NLRP13: variants seen among roughly 807,000 people sequenced by gnomAD.
The protein encoded by NLRP13 is NLR family pyrin domain containing 13, also known as NACHT, LRR and PYD domains-containing protein 13.
Under a neutral mutation model 94.4 loss-of-function variants are expected in NLRP13, and 82 were observed. The ratio of observed to expected loss-of-function variants is 0.87; its 90% CI spans 0.73 to 1.04. The LOEUF is 1.04. Among genes scored for constraint, NLRP13 ranks in the 50% least tolerant of loss-of-function variants. NLRP13 has a pLI of 0.00. For synonymous variants in NLRP13, 553 were observed against 464.7 expected, an observed-to-expected ratio of 1.19 and a Z score of -2.45; for missense variants, 1,426 against 1,230.8, an observed-to-expected ratio of 1.16 and a Z score of -2.37.
chr19:55,924,681 GAT>G (rs1290895790), intron 2 of NLRP13, 23 bp from the exon 3 acceptor site: 1 of 1,602,526 alleles, frequency 6.2e-7, no homozygotes, highest in Non-Finnish European at 8.5e-7. Flanking sequence ...TTGACGATGA[GAT>G]ATGAAAATAC....
intron 4 of NLRP13, among the ~76,000 whole-genome samples, chr19:55,920,069 C>T (rs1050769496): frequency 2.6e-5 from 4 of 152,024 alleles, no homozygotes; most frequent in African/African-American, 4.8e-5. Context: ...AATAAAAACA[C>T]GCACTAGGGA....
Position 55,910,644 on chromosome 19 carries a change from C to G in NLRP13, c.2201G>C (p.Ser734Thr), listed in dbSNP as rs1986482104. 6.2e-7 allele frequency: 1 copy of G among 1,613,748 alleles called. No homozygotes were observed. The highest frequency in any genetic ancestry group is 1.7e-5 in the Admixed American group (1 of 60,008). Residue 734 changes from serine to threonine, a missense_variant, in exon 6 of 11, where the codon AGT (serine) becomes ACT (threonine). Coordinates refer to ENST00000342929, the MANE Select transcript of NLRP13 (RefSeq NM_176810.2). ...TNENLHELDL[S>T]NSKLHASSVK... ...AGAGGAAGCATGAAGTTTGCTGTTA[C>G]TCAGGTCTAGCTCATGCAGATTCTC...
chr19:55,902,882 T>C (rs1459842067), intron 8 of NLRP13, among the ~76,000 whole-genome samples: 2 of 144,066 alleles, frequency 1.4e-5, no homozygotes, highest in Admixed American at 6.9e-5. Flanking sequence ...AAATATATAA[T>C]GAAATATATG....
chr19:55,928,695 T>C (rs1481539200), intron 1 of NLRP13, among the ~76,000 whole-genome samples: 1 of 152,224 alleles, frequency 6.6e-6, no homozygotes, highest in Non-Finnish European at 1.5e-5. Flanking sequence ...AAACAGAATT[T>C]AAGAGTTCTA....
intron 1 of NLRP13, among the ~76,000 whole-genome samples, chr19:55,925,336 A>G (rs1986942274): frequency 6.6e-6 from 1 of 152,150 alleles, no homozygotes. Flanking sequence ...TTACCTCCAC[A>G]ATGGTGCCTG....
At chr19:55,893,694 CTG>C (rs1221435180), downstream of NLRP13, among the ~76,000 whole-genome samples, 2 of 152,166 alleles carry the variant, frequency 1.3e-5, no homozygotes, top group African/African-American at 2.4e-5. Flanking sequence ...GCCATTTTCA[CTG>C]TGTATGAATA....
intron 9 of NLRP13, among the ~76,000 whole-genome samples, chr19:55,899,953 G>T (rs897757229): frequency 3.5e-5 from 5 of 141,068 alleles, no homozygotes; most frequent in East Asian, 2.0e-4. Context: ...TATAATTGTT[G>T]TTTTTTTTTT....
intron 4 of NLRP13, among the ~76,000 whole-genome samples, chr19:55,915,226 G>A (rs1265531631): frequency 6.6e-6 from 1 of 152,166 alleles, no homozygotes; most frequent in African/African-American, 2.4e-5. Flanking sequence ...CAAAGAAAAA[G>A]TAAGTGTTGT....
intron 7 of NLRP13, among the ~76,000 whole-genome samples, chr19:55,905,443 G>A (rs1248427705): frequency 1.3e-5 from 2 of 148,806 alleles, no homozygotes; most frequent in African/African-American, 2.5e-5. Flanking sequence ...ACATATATAT[G>A]TATATATATA....
chr19:55,898,194 G>GTTTTTTTTT (rs1209396021), intron 10 of NLRP13, among the ~76,000 whole-genome samples: 1 of 59,276 alleles, frequency 1.7e-5, no homozygotes, highest in African/African-American at 8.0e-5. Flanking sequence ...TAGCAGGAGA[G>GTTTTTTTTT]TTTTTGTTTT....
chr19:55,909,611 C>T (rs1600266549), intron 6 of NLRP13, among the ~76,000 whole-genome samples: 1 of 151,964 alleles, frequency 6.6e-6, no homozygotes, highest in South Asian at 2.1e-4. Flanking sequence ...CCAATCATGG[C>T]CAATTTCGAT....
chr19:55,912,978 G>A lies in NLRP13; in HGVS notation c.839C>T (p.Thr280Ile). 1 of 1,614,114 alleles carries A rather than the reference G, an allele frequency of 6.2e-7. No homozygotes were observed. The highest frequency in any genetic ancestry group is 8.5e-7 in the Non-Finnish European group (1 of 1,179,990). Residue 280 changes from threonine to isoleucine, a missense_variant, in exon 5 of 11, where the codon ACC becomes ATC. Thr to Ile is a moderately conservative substitution (Grantham distance 89). Coordinates refer to ENST00000342929, the MANE Select transcript of NLRP13 (RefSeq NM_176810.2). ...CHKIRYMKETTFAELISLDWP... is the reference protein window; with the variant it reads ...CHKIRYMKETIFAELISLDWP... ...ATCCAAAGAAATCAATTCAGCAAAG[G>A]TAGTTTCCTTCATGTACCTTATTTT...
intron 4 of NLRP13, among the ~76,000 whole-genome samples, chr19:55,916,640 G>A (rs1986683440): frequency 6.6e-6 from 1 of 152,070 alleles, no homozygotes; most frequent in African/African-American, 2.4e-5. Flanking sequence ...GAACTTGAAG[G>A]TCTTTTGAAT....
chr19:55,891,780 C>T (rs372604028), downstream of NLRP13: 31 of 309,224 alleles, frequency 1.0e-4, no homozygotes, highest in South Asian at 2.6e-3. Context: ...AGACTGAAGG[C>T]ACAGCCAACT....
chr19:55,911,609 C>A, intron 5 of NLRP13, 97 bp downstream of exon 5: 1 of 1,173,414 alleles, frequency 8.5e-7, no homozygotes, highest in Non-Finnish European at 1.2e-6. Flanking sequence ...AGCACGAATA[C>A]ATAACGACAA....
At chr19:55,891,977 C>G (rs956300504), downstream of NLRP13, 6 of 635,352 alleles carry the variant, frequency 9.4e-6, no homozygotes, top group Non-Finnish European at 1.4e-5. Flanking sequence ...CATGGTCAAG[C>G]CACGTGGCAT....
intron 4 of NLRP13, among the ~76,000 whole-genome samples, chr19:55,916,815 C>A (rs1369920138): frequency 2.0e-5 from 3 of 152,058 alleles, no homozygotes; most frequent in Non-Finnish European, 4.4e-5. Flanking sequence ...TTGAGAAAAA[C>A]TTCCCTACTC....
Position 55,898,784 on chromosome 19 carries a change from T to C in NLRP13, c.2943A>G (p.Ala981=). 1 of 1,609,018 alleles carries C rather than the reference T, an allele frequency of 6.2e-7. No homozygotes were observed. Among genetic ancestry groups the C allele is most frequent in the Non-Finnish European group, 8.5e-7 (1 of 1,177,930 alleles). Residue 981 remains alanine (A), a synonymous_variant, in exon 10 of 11, where the codon GCA becomes GCG. Coordinates refer to ENST00000342929, the MANE Select transcript of NLRP13 (RefSeq NM_176810.2). Reference sequence around the variant, plus strand: ...CATCAACTCACCCAAGTGTGTGCAATGCACGATGTGGTTTCAGAGCCTCAC... The same window carrying C: ...CATCAACTCACCCAAGTGTGTGCAACGCACGATGTGGTTTCAGAGCCTCAC... ...LLCEALKPHR[A]LHTLGLAKCN...
chr19:55,932,125 C>A lies in NLRP13; in HGVS notation c.187G>T (p.Ala63Ser), dbSNP rs1465753221. The change falls in exon 1 of 11, where the codon GCC (alanine) becomes TCC (serine). Residue 63 changes from alanine to serine, a missense_variant. By Grantham distance (99) the Ala-to-Ser change is moderately conservative. Transcript: ENST00000342929. ...PRIPWANLRA[A>S]DPLNLSFLLD... ...AGAAAGGACAGATTCAAAGGGTCGG[C>A]AGCTCTCAAGTTTGCCCAGGGGATA... 6.2e-7 allele frequency: 1 copy of A among 1,614,064 alleles called. No individual in the cohort carries two copies. Among genetic ancestry groups the A allele is most frequent in the African/African-American group, 1.3e-5 (1 of 74,932 alleles).
Sources: allele counts gnomAD v4.1 joint callset (sites outside exome capture counted in the v4.1 genomes callset), GRCh38; gene constraint gnomAD v4.1.1; transcripts MANE v1.5; gene names NCBI Gene and HGNC (gene_info 2026-07-23, HGNC 2026-07-21).